Variants in NR3C2 observed in about 807,000 individuals in gnomAD.
NR3C2 encodes the protein nuclear receptor subfamily 3 group C member 2.
NR3C2 carries 15 observed loss-of-function variants against 86.4 expected under a neutral mutation model. The observed-to-expected ratio is 0.17, with a 90% CI of 0.12 to 0.27. The LOEUF is 0.27. NR3C2 is among the 10% of genes least tolerant of loss of function. The pLI is 1.00. For missense variants in NR3C2, 960 were observed against 1,195.6 expected (o/e 0.80, Z 2.91); for synonymous variants, 458 against 450.5 (o/e 1.02, Z -0.21).
rs753743373 is a variant in NR3C2, at chr4:148,154,541, G to C, written c.2365+10C>G. 1.8e-5 allele frequency: 29 copies of C among 1,612,888 alleles called. No individual in the cohort carries two copies. Among genetic ancestry groups the C allele is most frequent in the South Asian group, 1.8e-4 (16 of 91,062 alleles). ...CAGGATGCAGCCTGTGAAAGGAGAG[G>C]CAATCCTACCTGGAAGTACCTTTGC... On this transcript the variant is annotated intron_variant, in intron 5 of 8. Coordinates refer to ENST00000358102, the MANE Select transcript of NR3C2 (RefSeq NM_000901.5).
At chr4:148,367,544 G>A (rs1374730702) in intron 2 of NR3C2, among the ~76,000 whole-genome samples, 2 of 152,122 alleles carry the variant, frequency 1.3e-5, no homozygotes, top group African/African-American at 2.4e-5. Flanking sequence ...TATAAACATA[G>A]ATATTAGCCT....
intron 2 of NR3C2, among the ~76,000 whole-genome samples, chr4:148,371,885 C>T (rs1003132320): frequency 2.6e-5 from 4 of 152,008 alleles, no homozygotes; most frequent in South Asian, 2.1e-4. Context: ...AGAGGGAGAC[C>T]GACAAACTTT....
At chr4:148,378,351 G>T (rs1375050527) in intron 2 of NR3C2, among the ~76,000 whole-genome samples, 1 of 151,274 alleles carries the variant, frequency 6.6e-6, no homozygotes, top group Non-Finnish European at 1.5e-5. Flanking sequence ...ATAAAACAAT[G>T]AAGATATACA....
In NR3C2 at chr4:148,435,556, T is replaced by G; in HGVS notation, c.1305A>C (p.Ser435=). The change falls in exon 2 of 9, where the codon TCA becomes TCC. Residue 435 remains serine (S), a synonymous_variant. Coordinates refer to ENST00000358102, the MANE Select transcript of NR3C2 (RefSeq NM_000901.5). ...TCCCTTTAAAAGAGGTGCCTGAACA[T>G]GAATGCTTGGTTGATTCTTGCTTTA... ...VPIKQESTKH[S]CSGTSFKGNP... 25 of 1,614,088 alleles carry G rather than the reference T, an allele frequency of 1.5e-5. No homozygotes were observed. The highest frequency in any genetic ancestry group is 2.0e-5 in the Non-Finnish European group (24 of 1,180,024).
intron 3 of NR3C2, among the ~76,000 whole-genome samples, chr4:148,234,603 A>G (rs561753593): frequency 2.7e-4 from 41 of 151,866 alleles, no homozygotes; most frequent in Admixed American, 2.4e-3. Context: ...GAATTGCTTG[A>G]ACCCAGGAAG....
intron 2 of NR3C2, among the ~76,000 whole-genome samples, chr4:148,272,802 T>A (rs1442142316): frequency 1.3e-5 from 2 of 152,040 alleles, no homozygotes; most frequent in Non-Finnish European, 2.9e-5. Context: ...ACAAGGCAAA[T>A]GGGATACATA....
At chr4:148,286,035 G>T (rs1741503544) in intron 2 of NR3C2, among the ~76,000 whole-genome samples, 1 of 152,152 alleles carries the variant, frequency 6.6e-6, no homozygotes, top group Admixed American at 6.5e-5. Flanking sequence ...CATTTGTTTT[G>T]TAATTAACAT....
At chr4:148,274,746 GGAGTGCAATGGCGT>G (rs1740878649) in intron 2 of NR3C2, among the ~76,000 whole-genome samples, 1 of 148,764 alleles carries the variant, frequency 6.7e-6, no homozygotes. Flanking sequence ...ACTCCAGGCT[GGAGTGCAATGGCGT>G]GATTTCGGCT....
chr4:148,431,837 C>T (rs1180932941), intron 2 of NR3C2, among the ~76,000 whole-genome samples: 5 of 152,090 alleles, frequency 3.3e-5, no homozygotes. Flanking sequence ...ACCTCCAAAG[C>T]GTGTATAGAA....
chr4:148,208,057 C>G (rs941670760), intron 3 of NR3C2: 2 of 152,256 alleles, frequency 1.3e-5, no homozygotes, highest in Non-Finnish European at 2.9e-5. Flanking sequence ...CGGGGAACTA[C>G]TGTACACTTA....
At chr4:148,384,663 C>T (rs1747175862) in intron 2 of NR3C2, among the ~76,000 whole-genome samples, 1 of 152,152 alleles carries the variant, frequency 6.6e-6, no homozygotes, top group Non-Finnish European at 1.5e-5. Context: ...TACAGTTTTT[C>T]CCCATGCGTT....
chr4:148,210,954 G>C (rs1254086939), intron 3 of NR3C2, among the ~76,000 whole-genome samples: 1 of 152,082 alleles, frequency 6.6e-6, no homozygotes, highest in African/African-American at 2.4e-5. Flanking sequence ...TGCTTCTATG[G>C]TCCTGAAAAG....
chr4:148,436,606 T>C lies in NR3C2; in HGVS notation c.255A>G (p.Thr85=), dbSNP rs148089711. 29 of 1,614,084 alleles carry C rather than the reference T, an allele frequency of 1.8e-5. No homozygotes were observed. In the African/African-American group the frequency reaches 1.9e-4, roughly 10 times the overall value. ...ATTCCAGCTCAGTTTTAATATCAGA[T>C]GTTAAAATCCCAGGCCGATTATTGT... The part of the protein sequence containing the change: ...QQDNNRPGIL[T]SDIKTELESK... The change falls in exon 2 of 9, where the codon ACA becomes ACG. Residue 85 remains threonine, a synonymous_variant. Transcript: ENST00000358102.
chr4:148,411,901 C>A (rs1204022228), intron 2 of NR3C2, among the ~76,000 whole-genome samples: 1 of 152,148 alleles, frequency 6.6e-6, no homozygotes, highest in African/African-American at 2.4e-5. Flanking sequence ...ACATTCTTCC[C>A]AAGTAAAGAA....
At position 148,308,634 on chromosome 4, in the gene NR3C2, C is replaced by T. The variant is rs567881813; in HGVS notation, c.1758-48517G>A. Among the ~76,000 whole-genome samples, 12 of 152,128 alleles carry T rather than the reference C, an allele frequency of 7.9e-5. No individual in the cohort carries two copies. In the South Asian group the frequency reaches 1.9e-3, roughly 24 times the overall value. Reference sequence around the variant, plus strand: ...AGATTTGTTAAAGGATAAGAAATCACAGCTAAAAGGAAGGAGTAAATTCTA... The same window carrying T: ...AGATTTGTTAAAGGATAAGAAATCATAGCTAAAAGGAAGGAGTAAATTCTA... On this transcript the variant is annotated intron_variant, in intron 2 of 8. Coordinates refer to ENST00000358102, the MANE Select transcript of NR3C2 (RefSeq NM_000901.5).
chr4:148,130,893 G>A (rs940797052), intron 6 of NR3C2, among the ~76,000 whole-genome samples: 3 of 142,860 alleles, frequency 2.1e-5, no homozygotes, highest in African/African-American at 7.9e-5. Context: ...GCACGATCTC[G>A]GCTCACTGCA....
intron 6 of NR3C2, among the ~76,000 whole-genome samples, chr4:148,126,579 A>G (rs1049857690): frequency 1.3e-5 from 2 of 152,268 alleles, no homozygotes; most frequent in Admixed American, 1.3e-4. Context: ...TTCTGTTATC[A>G]GATGTGTTAA....
Position 148,199,662 on chromosome 4 carries a change from G to A in NR3C2, c.1898-4800C>T, listed in dbSNP as rs182707776. On this transcript the variant is annotated intron_variant, in intron 3 of 8. Transcript: ENST00000358102. ...AGGCAGGTTGAGGAGCAAGGCCCTC[G>A]GAAAACAAGAAAAAGAAGTTCTAGG... Among the ~76,000 whole-genome samples, 48 of 152,050 alleles carry A rather than the reference G, an allele frequency of 3.2e-4. 1 individual carries two copies. The East Asian group carries it at 3.9e-3, about 12-fold the overall frequency.
At chr4:148,182,788 A>G (rs1735704000) in intron 4 of NR3C2, among the ~76,000 whole-genome samples, 1 of 152,190 alleles carries the variant, frequency 6.6e-6, no homozygotes, top group Non-Finnish European at 1.5e-5. Flanking sequence ...TGGCTCTGCT[A>G]CTTCCTGGCT....
Sources: gnomAD v4.1 joint callset for allele counts (sites outside exome capture counted in the v4.1 genomes callset) on GRCh38, gnomAD v4.1.1 for gene constraint, MANE v1.5 for transcripts, NCBI Gene and HGNC (gene_info 2026-07-23, HGNC 2026-07-21) for gene names.